The following WDPCP variants were observed in gnomAD, a reference collection of about 807,000 sequenced individuals.
WDPCP encodes WD repeat containing planar cell polarity effector.
WDPCP carries 71 observed loss-of-function variants against 93.1 expected under a neutral mutation model. The ratio of observed to expected loss-of-function variants is 0.76; its 90% CI spans 0.63 to 0.93. The LOEUF (loss-of-function observed/expected upper bound fraction) is 0.93, where lower values mean the gene tolerates loss of function less well. WDPCP is among the 40% of genes least tolerant of loss of function. The pLI is 0.00. For missense variants in WDPCP, 844 were observed against 887.4 expected (o/e 0.95, Z 0.62); for synonymous variants, 315 against 315.0 (o/e 1.00, Z 0.00).
chr2:63,820,165 C>G (rs1357514719), intron 1 of WDPCP, among the ~76,000 whole-genome samples: 1 of 152,100 alleles, frequency 6.6e-6, no homozygotes, highest in African/African-American at 2.4e-5. Context: ...TGGATGTTTG[C>G]AAAGATGGTT....
intron 15 of WDPCP, among the ~76,000 whole-genome samples, chr2:63,174,210 A>G (rs1180998165): frequency 1.3e-5 from 2 of 152,040 alleles, no homozygotes; most frequent in African/African-American, 4.8e-5. Context: ...TTTAAATTTC[A>G]TATTTATTCT....
intron 2 of WDPCP, among the ~76,000 whole-genome samples, chr2:63,776,047 G>C (rs1255413305): frequency 6.6e-6 from 1 of 151,780 alleles, no homozygotes; most frequent in East Asian, 1.9e-4. Flanking sequence ...GTGGGCAACA[G>C]AGTGAGACTC....
intron 3 of WDPCP, among the ~76,000 whole-genome samples, chr2:63,627,860 G>T (rs1013505240): frequency 6.6e-6 from 1 of 152,226 alleles, no homozygotes; most frequent in Non-Finnish European, 1.5e-5. Flanking sequence ...GTCTGCAGAT[G>T]CTAAAGGCTG....
At chr2:63,333,304 A>G (rs1688114139) in intron 12 of WDPCP, among the ~76,000 whole-genome samples, 1 of 152,200 alleles carries the variant, frequency 6.6e-6, no homozygotes, top group African/African-American at 2.4e-5. Context: ...TTTTACCCCA[A>G]AATATATTTC....
At chr2:63,627,030 A>G (rs957349578) in intron 3 of WDPCP, among the ~76,000 whole-genome samples, 5 of 152,096 alleles carry the variant, frequency 3.3e-5, no homozygotes, top group African/African-American at 1.2e-4. Context: ...AACAACAACA[A>G]AATCCAAGAA....
At chr2:63,567,940 T>C (rs955969776) in intron 1 of WDPCP, among the ~76,000 whole-genome samples, 2 of 152,224 alleles carry the variant, frequency 1.3e-5, no homozygotes, top group African/African-American at 2.4e-5. Flanking sequence ...AAGTATGTCT[T>C]TGAATTTAGA....
chr2:63,726,405 A>C (rs1037171790), intron 2 of WDPCP, among the ~76,000 whole-genome samples: 1 of 152,162 alleles, frequency 6.6e-6, no homozygotes, highest in African/African-American at 2.4e-5. Context: ...CCATTCGTCT[A>C]TATGACTGTT....
chr2:63,246,096 C>T (rs924201648), intron 14 of WDPCP, among the ~76,000 whole-genome samples: 1 of 151,992 alleles, frequency 6.6e-6, no homozygotes, highest in African/African-American at 2.4e-5. Flanking sequence ...GTGAGACAGC[C>T]CCTATATGAA....
the WDPCP span, among the ~76,000 whole-genome samples, chr2:63,836,245 T>G: frequency 6.6e-6 from 1 of 152,218 alleles, no homozygotes; most frequent in Non-Finnish European, 1.5e-5. Flanking sequence ...CAGAAGTTCT[T>G]TATCCTTTCC....
At chr2:63,275,846 G>T (rs2104894494) in intron 13 of WDPCP, among the ~76,000 whole-genome samples, 1 of 152,338 alleles carries the variant, frequency 6.6e-6, no homozygotes, top group South Asian at 2.1e-4. Flanking sequence ...GGACTAGCTT[G>T]CAGCTCCTGC....
intron 10 of WDPCP, among the ~76,000 whole-genome samples, chr2:63,394,337 G>A (rs2138795): frequency 0.56 from 85,381 of 151,594 alleles, 24,375 homozygotes; most frequent in Admixed American, 0.64. Context: ...ACAATGAGAT[G>A]CCATCTCATA....
intron 9 of WDPCP, among the ~76,000 whole-genome samples, chr2:63,428,376 G>C (rs1307720058): frequency 1.3e-5 from 2 of 152,124 alleles, no homozygotes; most frequent in African/African-American, 4.8e-5. Flanking sequence ...ACATCAAAAA[G>C]TTAATTCACC....
intron 14 of WDPCP, among the ~76,000 whole-genome samples, chr2:63,222,399 G>A (rs1029467547): frequency 9.2e-5 from 14 of 152,260 alleles, no homozygotes; most frequent in Non-Finnish European, 1.6e-4. Flanking sequence ...AGACACTGGC[G>A]TGGCCATAGA....
intron 13 of WDPCP, among the ~76,000 whole-genome samples, chr2:63,270,408 C>T (rs1682534747): frequency 3.3e-5 from 5 of 151,780 alleles, no homozygotes; most frequent in Admixed American, 1.3e-4. Context: ...TGTGGGGTTA[C>T]TGGACTATTT....
chr2:63,194,028 T>C (rs1675232221), intron 14 of WDPCP, among the ~76,000 whole-genome samples: 1 of 152,206 alleles, frequency 6.6e-6, no homozygotes, highest in Non-Finnish European at 1.5e-5. Flanking sequence ...ATCTGTGATA[T>C]ACTAATAGCT....
the WDPCP span, among the ~76,000 whole-genome samples, chr2:63,835,389 C>CAAAAA: frequency 9.5e-5 from 4 of 42,306 alleles, no homozygotes; most frequent in Non-Finnish European, 9.8e-5. Flanking sequence ...GACTCCATCT[C>CAAAAA]AAAAAAAAAA....
At chr2:63,775,257 T>C (rs1670284957) in intron 2 of WDPCP, among the ~76,000 whole-genome samples, 1 of 152,214 alleles carries the variant, frequency 6.6e-6, no homozygotes, top group African/African-American at 2.4e-5. Context: ...TCAATTTAGA[T>C]CAGCAGTGAG....
intron 2 of WDPCP, among the ~76,000 whole-genome samples, chr2:63,698,553 G>A (rs1245400860): frequency 1.3e-5 from 2 of 152,298 alleles, no homozygotes; most frequent in South Asian, 4.1e-4. Context: ...TGAGGCTGGA[G>A]GGGATGCCTA....
At chr2:63,135,836 A>G (rs559350443) in intron 17 of WDPCP, among the ~76,000 whole-genome samples, 4 of 152,200 alleles carry the variant, frequency 2.6e-5, no homozygotes, top group Non-Finnish European at 4.4e-5. Flanking sequence ...GGCTCAGGCA[A>G]TGCTCCTGCC....
Sources: gnomAD v4.1 joint callset for allele counts (sites outside exome capture counted in the v4.1 genomes callset) on GRCh38, gnomAD v4.1.1 for gene constraint, MANE v1.5 for transcripts, NCBI Gene and HGNC (gene_info 2026-07-23, HGNC 2026-07-21) for gene names.